Variants in TRPC1 observed in about 807,000 individuals in gnomAD.
The protein encoded by TRPC1 is transient receptor potential cation channel subfamily C member 1.
In TRPC1, 42 loss-of-function variants were observed where a neutral mutation model predicts 88.2. The observed-to-expected ratio is 0.48, with a 90% CI of 0.37 to 0.62. The LOEUF is 0.62. Ranked by LOEUF, TRPC1 falls within the 20% of genes least tolerant of loss-of-function variation. TRPC1 has a pLI of 0.00. For missense variants in TRPC1, 699 were observed against 957.3 expected, an observed-to-expected ratio of 0.73 and a Z score of 3.56; for synonymous variants, 288 against 331.8, an observed-to-expected ratio of 0.87 and a Z score of 1.43.
In TRPC1 at chr3:142,724,576, A is replaced by G; in HGVS notation, c.17A>G (p.Tyr6Cys). The G allele has an allele frequency of 6.3e-7, 1 of 1,582,656 alleles. No homozygotes were observed. The highest frequency in any genetic ancestry group is 8.6e-7 in the Non-Finnish European group (1 of 1,166,446). Residue 6 changes from tyrosine (Y) to cysteine (C), a missense_variant, in exon 1 of 13, where the codon TAC becomes TGC. Tyr to Cys is a radical substitution (Grantham distance 194). Around this residue, in one of 4 missense-constraint regions of TRPC1, gnomAD observed 157 missense variants for 127.0 expected, o/e 1.24. Coordinates refer to ENST00000476941, the MANE Select transcript of TRPC1 (RefSeq NM_001251845.2). This position sits in a 1 kb window ranked among gnomAD's most constrained non-coding sequence, Gnocchi z 5.6. ...TGGGCCGCGATGATGGCGGCCCTGT[A>G]CCCGAGCACGGACCTCTCGGGCGCC... The part of the protein sequence containing the change: MMAAL[Y>C]PSTDLSGASS...
intron 9 of TRPC1, among the ~76,000 whole-genome samples, chr3:142,797,154 A>AAATGTGAGG (rs1936477813): frequency 6.6e-6 from 1 of 151,548 alleles, no homozygotes; most frequent in African/African-American, 2.4e-5. Flanking sequence ...ACATCTAGAG[A>AAATGTGAGG]AACTAAGTGG....
rs1241536845 is a variant in TRPC1 at position 142,780,940 on chromosome 3, A to T, written c.871A>T (p.Ser291Cys). ...GGAAGTTATTCTAAACCATACGTCT[A>T]GTGACGAGCCTCTTGACAAACGGGG... The part of the protein sequence containing the change: ...ELEVILNHTS[S>C]DEPLDKRGLL... Residue 291 changes from serine to cysteine, a missense_variant, in exon 6 of 13, where the codon AGT becomes TGT. Transcript: ENST00000476941. The T allele has an allele frequency of 1.2e-6, 2 of 1,613,996 alleles. No individual in the cohort carries two copies. Among genetic ancestry groups the T allele is most frequent in the African/African-American group, 1.3e-5 (1 of 75,062 alleles).
rs758894493 is a variant in TRPC1 at position 142,791,084 on chromosome 3, C to T, written c.1363C>T (p.Arg455Cys). The T allele has an allele frequency of 1.2e-6, 2 of 1,610,546 alleles. No individual in the cohort carries two copies. The highest frequency in any genetic ancestry group is 8.5e-7 in the Non-Finnish European group (1 of 1,178,478). ...EGLEDFLEESRNQLSFVMNSL... is the reference protein window; with the variant it reads ...EGLEDFLEESCNQLSFVMNSL... ...GTTGGAAGACTTTTTAGAAGAATCT[C>T]GTAATCAACTCAGTTTTGTCATGAA... Residue 455 changes from arginine to cysteine, a missense_variant, in exon 8 of 13, where the codon CGT becomes TGT. Coordinates refer to ENST00000476941, the MANE Select transcript of TRPC1 (RefSeq NM_001251845.2).
At chr3:142,763,959 A>AATATATATATATGTATATAT (rs1935279904) in intron 4 of TRPC1, among the ~76,000 whole-genome samples, 1 of 76,316 alleles carries the variant, frequency 1.3e-5, no homozygotes, top group Non-Finnish European at 2.5e-5. Context: ...AAAAAAAAGA[A>AATATATATATATGTATATAT]ATATATATAT....
intron 4 of TRPC1, among the ~76,000 whole-genome samples, chr3:142,757,895 T>C (rs1039557243): frequency 6.6e-6 from 1 of 152,160 alleles, no homozygotes; most frequent in African/African-American, 2.4e-5. Context: ...TGGCATGCAA[T>C]AGTGTAATAC....
chr3:142,772,739 A>G (rs1417588068), intron 4 of TRPC1, among the ~76,000 whole-genome samples: 4 of 152,148 alleles, frequency 2.6e-5, no homozygotes, highest in Non-Finnish European at 5.9e-5. Context: ...GTGAGCTGAG[A>G]TCGTGCCACT....
intron 4 of TRPC1, among the ~76,000 whole-genome samples, chr3:142,755,013 AT>A (rs1279080017): frequency 6.6e-6 from 1 of 152,206 alleles, no homozygotes; most frequent in African/African-American, 2.4e-5. Flanking sequence ...AAAGGGAAGT[AT>A]TGTTCAATCC....
intron 4 of TRPC1, among the ~76,000 whole-genome samples, chr3:142,766,339 A>C (rs1202944095): frequency 6.6e-6 from 1 of 152,052 alleles, no homozygotes; most frequent in Non-Finnish European, 1.5e-5. Context: ...TGTGGCTAGA[A>C]TATAAGCAGG....
chr3:142,766,220 T>C (rs1358349818), intron 4 of TRPC1, among the ~76,000 whole-genome samples: 1 of 152,156 alleles, frequency 6.6e-6, no homozygotes, highest in African/African-American at 2.4e-5. Flanking sequence ...GTATTGATCC[T>C]GGGTGTGTCT....
At chr3:142,730,493 A>C (rs1178705030) in intron 1 of TRPC1, among the ~76,000 whole-genome samples, 2 of 152,044 alleles carry the variant, frequency 1.3e-5, no homozygotes, top group African/African-American at 4.8e-5. Flanking sequence ...TTTAATTTTG[A>C]AGGTTTCATT....
chr3:142,751,561 C>G (rs1934764603), intron 4 of TRPC1, among the ~76,000 whole-genome samples: 1 of 152,114 alleles, frequency 6.6e-6, no homozygotes, highest in Non-Finnish European at 1.5e-5. Context: ...TCCTGTTACA[C>G]AATGCATGAC....
intron 4 of TRPC1, among the ~76,000 whole-genome samples, chr3:142,771,926 C>T (rs1166518532): frequency 6.6e-6 from 1 of 151,968 alleles, no homozygotes; most frequent in Non-Finnish European, 1.5e-5. Flanking sequence ...TGAACATTCA[C>T]TTTGCTGGAT....
At chr3:142,752,595 T>C (rs1476843872) in intron 4 of TRPC1, among the ~76,000 whole-genome samples, 2 of 152,022 alleles carry the variant, frequency 1.3e-5, no homozygotes, top group Admixed American at 6.6e-5. Flanking sequence ...GCTTTCCTCT[T>C]TTACTAATCC....
At chr3:142,763,399 A>G (rs1935258706) in intron 4 of TRPC1, among the ~76,000 whole-genome samples, 1 of 152,006 alleles carries the variant, frequency 6.6e-6, no homozygotes, top group Non-Finnish European at 1.5e-5. Flanking sequence ...CATAATTGTT[A>G]TATCTTCTTG....
At chr3:142,748,495 G>A in intron 4 of TRPC1, 35 bp downstream of exon 4, 1 of 1,583,180 alleles carries the variant, frequency 6.3e-7, no homozygotes, top group African/African-American at 1.3e-5. Context: ...ATAGATGTGT[G>A]ATATATATCA....
chr3:142,806,045 A>G lies in TRPC1; in HGVS notation c.2192A>G (p.Tyr731Cys), dbSNP rs1303680611. 1.9e-6 allele frequency: 3 copies of G among 1,613,736 alleles called. No homozygotes were observed. In the African/African-American group the frequency reaches 4.0e-5, roughly 22 times the overall value. Residue 731 changes from tyrosine (Y) to cysteine (C), a missense_variant, in exon 13 of 13, where the codon TAT (tyrosine) becomes TGT (cysteine). Tyr to Cys is a radical substitution (Grantham distance 194). Coordinates refer to ENST00000476941, the MANE Select transcript of TRPC1 (RefSeq NM_001251845.2). The part of the protein sequence containing the change: ...RNLKQKRDEN[Y>C]QKVMCCLVHR... ...TTGAAACAGAAGAGAGATGAAAACT[A>G]TCAAAAAGTGATGTGCTGCCTAGTG...
rs1238881057 is a variant in TRPC1, at chr3:142,748,463, T to G, written c.632+3T>G. On this transcript the variant is annotated splice_donor_region_variant and intron_variant, in intron 4 of 12. Transcript: ENST00000476941. ...AAGGATAGCCTCCGGCATTCCAGGT[T>G]AGAACATTAAACTTTTGATAAATAG... 3 of 1,613,692 alleles carry G rather than the reference T, an allele frequency of 1.9e-6. No individual in the cohort carries two copies. The African/African-American group carries it at 4.0e-5, about 22-fold the overall frequency.
At chr3:142,777,208 G>A (rs1266089464) in intron 4 of TRPC1, among the ~76,000 whole-genome samples, 1 of 152,044 alleles carries the variant, frequency 6.6e-6, no homozygotes, top group Non-Finnish European at 1.5e-5. Flanking sequence ...GGCTGAAGTG[G>A]GAGGATCCCT....
Position 142,776,569 on chromosome 3 carries a change from CTGAA to C in TRPC1, c.633-1054_633-1051del, listed in dbSNP as rs1225685473. On this transcript the variant is annotated intron_variant, in intron 4 of 12. Coordinates refer to ENST00000476941, the MANE Select transcript of TRPC1 (RefSeq NM_001251845.2). This position sits in a 1 kb window ranked among gnomAD's most constrained non-coding sequence, Gnocchi z 4.1. ...TTGAAACATCTTTCAAACTCATAAC[CTGAA>C]TGAATGAAAAATGTATTATATATAT... Among the ~76,000 whole-genome samples the C allele has an allele frequency of 6.6e-6, 1 of 152,030 alleles. No individual in the cohort carries two copies. The highest frequency in any genetic ancestry group is 2.4e-5 in the African/African-American group (1 of 41,388).
Sources: gnomAD v4.1 joint callset for allele counts (sites outside exome capture counted in the v4.1 genomes callset) on GRCh38, gnomAD v4.1.1 for gene constraint, gnomAD v4.1.1 regional missense constraint, Gnocchi (gnomAD v3.1) non-coding constraint, MANE v1.5 for transcripts, NCBI Gene and HGNC (gene_info 2026-07-23, HGNC 2026-07-21) for gene names.